RRP8: variants seen among roughly 807,000 people sequenced by gnomAD.
RRP8 encodes ribosomal RNA processing 8, also known as ribosomal RNA-processing protein 8.
In RRP8, 48 loss-of-function variants were observed where a neutral mutation model predicts 45.0. The ratio of observed to expected loss-of-function variants is 1.07; its 90% CI spans 0.85 to 1.36. The LOEUF (loss-of-function observed/expected upper bound fraction) is 1.36. Among genes scored for constraint, RRP8 ranks in the 40% most tolerant of loss-of-function variants. RRP8 has a pLI of 0.00. For missense variants in RRP8, 658 were observed against 573.7 expected (o/e 1.15, Z -1.50); for synonymous variants, 274 against 212.4 (o/e 1.29, Z -2.52).
At chr11:6,602,915 T>G (rs939915506) in intron 1 of RRP8, among the ~76,000 whole-genome samples, 3 of 152,172 alleles carry the variant, frequency 2.0e-5, no homozygotes, top group Non-Finnish European at 4.4e-5. Flanking sequence ...ACACCCTCCT[T>G]TGAACAATGA....
chr11:6,603,568 G>T lies in RRP8; in HGVS notation c.-66C>A. On this transcript the variant is annotated 5_prime_UTR_variant, in exon 1 of 7. Transcript: ENST00000254605. ...CCACGTGCACAGCGCTCCTCTGGAA[G>T]TCGGAGCGCTCAGACCTGCCAGAAC... The T allele has an allele frequency of 1.8e-6, 2 of 1,120,002 alleles. No homozygotes were observed. Among genetic ancestry groups the T allele is most frequent in the African/African-American group, 1.6e-5 (1 of 62,492 alleles). 69.4% of individuals were successfully genotyped at this position (1,120,002 alleles called of 1,614,324 possible).
At position 6,595,785 on chromosome 11, in the gene RRP8, T is replaced by A. The variant is rs960051098; in HGVS notation, c.*4361A>T. 1 of 152,180 alleles carries A rather than the reference T, an allele frequency of 6.6e-6. No individual in the cohort carries two copies. The highest frequency in any genetic ancestry group is 1.5e-5 in the Non-Finnish European group (1 of 68,022). 9.4% of individuals were successfully genotyped at this position (152,180 alleles called of 1,614,324 possible). The stretch of plus-strand genomic sequence containing the variant: ...CAAGAGTAAGGTGGACAGGATACCA[T>A]AGAAGATATATCCAGTGTATATAAT... On this transcript the variant is annotated 3_prime_UTR_variant, in exon 7 of 7. Transcript: ENST00000254605.
At position 6,601,473 on chromosome 11, in the gene RRP8, C is replaced by T. The variant is rs567830524; in HGVS notation, c.593G>A (p.Cys198Tyr). Residue 198 changes from cysteine to tyrosine, a missense_variant, in exon 3 of 7, where the codon TGT becomes TAT. By Grantham distance (194) the Cys-to-Tyr change is radical (BLOSUM62 -2). Transcript: ENST00000254605. The stretch of plus-strand genomic sequence containing the variant: ...CTGAGGTGGCTGAAACTTGTTCTTA[C>T]ATCTTCTCTTGTTCTTTTGCCGGTT... ...WRNRQKNKRRCKNKFQPPQVP... is the reference protein window; with the variant it reads ...WRNRQKNKRRYKNKFQPPQVP... 48 of 1,614,030 alleles carry T rather than the reference C, an allele frequency of 3.0e-5. No individual in the cohort carries two copies. The Admixed American group carries it at 6.0e-4, about 20-fold the overall frequency.
At chr11:6,602,836 G>A (rs372135254) in intron 1 of RRP8, among the ~76,000 whole-genome samples, 2 of 152,270 alleles carry the variant, frequency 1.3e-5, no homozygotes, top group South Asian at 2.1e-4. Flanking sequence ...TTGTCGGGAA[G>A]GCTGATTCTG....
intron 5 of RRP8, 41 bp downstream of exon 5, chr11:6,600,628 G>A: frequency 6.2e-7 from 1 of 1,607,734 alleles, no homozygotes; most frequent in Non-Finnish European, 8.5e-7. Flanking sequence ...ACTCATGCAT[G>A]CACACATACA....
In RRP8 at chr11:6,600,988, G is replaced by C. The variant is rs17834692; in HGVS notation, c.985C>G (p.Pro329Ala). 6.2e-7 allele frequency: 1 copy of C among 1,614,052 alleles called. No homozygotes were observed. The highest frequency in any genetic ancestry group is 1.7e-5 in the Admixed American group (1 of 60,000). The change falls in exon 4 of 7, where the codon CCT becomes GCT. Residue 329 changes from proline (P) to alanine (A), a missense_variant. Coordinates refer to ENST00000254605, the MANE Select transcript of RRP8 (RefSeq NM_015324.4). ...DCRLASSIRN[P>A]VHCFDLASLD... The stretch of plus-strand genomic sequence containing the variant: ...GAAGCCAAGTCAAAGCAATGCACAG[G>C]GTTCCGGATACTTGAAGCCAAGCGG...
In RRP8 at chr11:6,600,512, T is replaced by G; in HGVS notation, c.1225A>C (p.Lys409Gln). The G allele has an allele frequency of 6.2e-7, 1 of 1,613,808 alleles. No individual in the cohort carries two copies. The highest frequency in any genetic ancestry group is 8.5e-7 in the Non-Finnish European group (1 of 1,180,024). The change falls in exon 6 of 7, where the codon AAG becomes CAG. Residue 409 changes from lysine (K) to glutamine (Q), a missense_variant. Lys to Gln is a moderately conservative substitution (Grantham distance 53). Transcript: ENST00000254605. ...TTGGAGACAATCTTGAAGCCTAGCT[T>G]GGTCACAGCCCGCAGAAAGGTTCGA... ...DVRTFLRAVTKLGFKIVSKDL... is the reference protein window; with the variant it reads ...DVRTFLRAVTQLGFKIVSKDL...
Position 6,600,487 on chromosome 11 carries a change from T to A in RRP8, c.1250A>T (p.Lys417Met). 21 of 1,613,282 alleles carry A rather than the reference T, an allele frequency of 1.3e-5. No individual in the cohort carries two copies. Among genetic ancestry groups the A allele is most frequent in the Non-Finnish European group, 1.7e-5 (20 of 1,179,898 alleles). ...VTKLGFKIVS[K>M]DLTNSHFFLF... ...GTACAGATGTCTTGGGGCCCTCACC[T>A]TGGAGACAATCTTGAAGCCTAGCTT... Residue 417 changes from lysine to methionine, a missense_variant and splice_region_variant, in exon 6 of 7, where the codon AAG becomes ATG. Transcript: ENST00000254605.
intron 2 of RRP8, 71 bp downstream of exon 2, chr11:6,601,781 T>C: frequency 1.3e-6 from 2 of 1,509,392 alleles, no homozygotes; most frequent in Non-Finnish European, 1.8e-6. Context: ...ATAATCACTC[T>C]TGTATGTAGA....
At chr11:6,602,928 C>G (rs1431699208) in intron 1 of RRP8, among the ~76,000 whole-genome samples, 2 of 152,214 alleles carry the variant, frequency 1.3e-5, no homozygotes, top group African/African-American at 4.8e-5. Flanking sequence ...AACAATGATA[C>G]TGACAACTCT....
rs78598626 is a variant in RRP8 at position 6,599,289 on chromosome 11, G to A, written c.*857C>T. On this transcript the variant is annotated 3_prime_UTR_variant, in exon 7 of 7. Coordinates refer to ENST00000254605, the MANE Select transcript of RRP8 (RefSeq NM_015324.4). ...AGCTAGTTTACTGAGCACCTCCTAT[G>A]TTCCCAGCCCTGGCTACAGATTTCT... 0.065 allele frequency: 9,933 copies of A among 152,278 alleles called. 356 individuals carry two copies. The highest frequency in any genetic ancestry group is 0.087 in the East Asian group (453 of 5,180). The allele number at this position is 152,278 out of a possible 1,614,324, so 9.4% of individuals were successfully genotyped here.
In RRP8 at chr11:6,597,780, AC is replaced by A. The variant is rs1201436123; in HGVS notation, c.*2365del. On this transcript the variant is annotated 3_prime_UTR_variant, in exon 7 of 7. Transcript: ENST00000254605. ...GTGGCATGTGCCTGTATTCCCAGCT[AC>A]TCGGGAGTCTGAGGCAGGAGAAGTG... 3.3e-5 allele frequency: 5 copies of A among 151,550 alleles called. No homozygotes were observed. The highest frequency in any genetic ancestry group is 7.4e-5 in the Non-Finnish European group (5 of 67,982). The allele number at this position is 151,550 out of a possible 1,614,324, so 9.4% of individuals were successfully genotyped here. A position where few individuals can be genotyped will look rare whatever the true frequency, so the allele number is the denominator to read the frequency against.
In RRP8 at chr11:6,601,253, C is replaced by T. The variant is rs767360162; in HGVS notation, c.813G>A (p.Gln271=). ...GPSSAAQRLF[Q]EDPEAFLLYH... is the part of the protein sequence containing the mutation. ...AGAGAAGAAAAGCCTCAGGGTCTTC[C>T]TGGAAGAGACGCTGTGCAGCACTGC... The change falls in exon 3 of 7, where the codon CAG becomes CAA. Residue 271 remains glutamine (Q), a synonymous_variant. Transcript: ENST00000254605. The T allele has an allele frequency of 2.5e-6, 4 of 1,611,260 alleles. No homozygotes were observed. The South Asian group carries it at 4.4e-5, about 18-fold the overall frequency.
rs1261294757 is a variant in RRP8 at position 6,602,145 on chromosome 11, G to C, written c.170C>G (p.Pro57Arg). ...CTCAGAGTCACTTATACATAGGCTG[G>C]GGGGATGCTGGGAAAGAGATGCTGC... Reference protein sequence around the residue: ...LEAASLSQHPPSLCISDSEEE... With the variant: ...LEAASLSQHPRSLCISDSEEE... Residue 57 changes from proline (P) to arginine (R), a missense_variant, in exon 2 of 7, where the codon CCC becomes CGC. Pro to Arg is a moderately radical substitution (Grantham distance 103). Coordinates refer to ENST00000254605, the MANE Select transcript of RRP8 (RefSeq NM_015324.4). 2 of 1,605,768 alleles carry C rather than the reference G, an allele frequency of 1.2e-6. No individual in the cohort carries two copies. Among genetic ancestry groups the C allele is most frequent in the East Asian group, 4.5e-5 (2 of 44,724 alleles).
rs141777449 is a variant in RRP8, at chr11:6,601,850, A to G, written c.463+2T>C. 337 of 1,606,072 alleles carry G rather than the reference A, an allele frequency of 2.1e-4. No individual in the cohort carries two copies. The highest frequency in any genetic ancestry group is 2.6e-4 in the Non-Finnish European group (311 of 1,175,540). The stretch of plus-strand genomic sequence containing the variant: ...CACACACATATACACATCCAATGGT[A>G]CCTGTTTGGTCAACATTGTCCAGGT... On this transcript the variant is annotated splice_donor_variant, in intron 2 of 6. Transcript: ENST00000254605. LOFTEE classifies it high-confidence loss of function.
At chr11:6,600,395 T>C (rs1854312942) in intron 6 of RRP8, 91 bp downstream of exon 6, 1 of 1,383,954 alleles carries the variant, frequency 7.2e-7, no homozygotes, top group African/African-American at 1.4e-5. Context: ...AAAATGTCTG[T>C]TCCTGTGCCT....
At position 6,597,584 on chromosome 11, in the gene RRP8, T is replaced by TAAA. The variant is rs1270166513; in HGVS notation, c.*2559_*2561dup. The TAAA allele has an allele frequency of 0.015, 1,758 of 120,176 alleles. 42 individuals carry two copies. The highest frequency in any genetic ancestry group is 0.022 in the African/African-American group (630 of 29,190). 7.4% of individuals were successfully genotyped at this position (120,176 alleles called of 1,614,324 possible). ...AGCTAACAACCTGCCCATCCTCCCATAAAAAAAAAAAAAAAAAAAACACTG... is the reference window on the plus strand; with the variant it reads ...AGCTAACAACCTGCCCATCCTCCCATAAAAAAAAAAAAAAAAAAAAAAACACTG... On this transcript the variant is annotated 3_prime_UTR_variant, in exon 7 of 7. Coordinates refer to ENST00000254605, the MANE Select transcript of RRP8 (RefSeq NM_015324.4).
Position 6,600,153 on chromosome 11 carries a change from C to A in RRP8, c.1364G>T (p.Arg455Leu), listed in dbSNP as rs776002877. Reference sequence around the variant, plus strand: ...TCAAGGAAGATCCAGAGGTCACCTGCGCTTGTAGAGACATGGCTGAAGCTG... The same window carrying A: ...TCAAGGAAGATCCAGAGGTCACCTGAGCTTGTAGAGACATGGCTGAAGCTG... ...GLQLQPCLYK[R>L]R The change falls in exon 7 of 7, where the codon CGC (arginine) becomes CTC (leucine). Residue 455 changes from arginine (R) to leucine (L), a missense_variant. Physicochemically the swap from Arg to Leu is moderately radical, Grantham distance 102. Coordinates refer to ENST00000254605, the MANE Select transcript of RRP8 (RefSeq NM_015324.4). 6.3e-7 allele frequency: 1 copy of A among 1,586,288 alleles called. No homozygotes were observed. Among genetic ancestry groups the A allele is most frequent in the Non-Finnish European group, 8.6e-7 (1 of 1,166,878 alleles).
At chr11:6,601,755 A>G (rs561389012) in intron 2 of RRP8, 97 bp downstream of exon 2, 6 of 1,480,020 alleles carry the variant, frequency 4.1e-6, no homozygotes, top group Middle Eastern at 1.8e-4. Context: ...ATTAGCCCCA[A>G]TCCTAATGGC....
Sources: allele counts gnomAD v4.1 joint callset (sites outside exome capture counted in the v4.1 genomes callset), GRCh38; gene constraint gnomAD v4.1.1; transcripts MANE v1.5; gene names NCBI Gene and HGNC (gene_info 2026-07-23, HGNC 2026-07-21).